Variants in AGPAT5 observed in about 807,000 individuals in gnomAD.
AGPAT5 encodes 1-acylglycerol-3-phosphate O-acyltransferase 5, also known as 1-acyl-sn-glycerol-3-phosphate acyltransferase epsilon.
AGPAT5 carries 46 observed loss-of-function variants against 45.6 expected under a neutral mutation model. That is an observed-to-expected ratio of 1.01 (90% CI 0.80 to 1.29). The LOEUF is 1.29. Ranked by LOEUF, AGPAT5 falls within the 50% of genes most tolerant of loss-of-function variation. The pLI is 0.00. For synonymous variants in AGPAT5, 272 were observed against 167.0 expected (o/e 1.63, Z -4.85); for missense variants, 673 against 450.7 (o/e 1.49, Z -4.47).
chr8:6,757,086 A>G, intron 7 of AGPAT5, 77 bp from the exon 8 acceptor site: 1 of 1,116,418 alleles, frequency 9.0e-7, no homozygotes, highest in East Asian at 2.5e-5. Flanking sequence ...CCAGCGTGTA[A>G]TAGCTACCTG....
intron 6 of AGPAT5, among the ~76,000 whole-genome samples, chr8:6,752,759 T>A (rs1475147577): frequency 6.6e-6 from 1 of 152,242 alleles, no homozygotes; most frequent in Admixed American, 6.5e-5. Flanking sequence ...TCATGTAACA[T>A]GAACTATCCT....
At chr8:6,749,485 G>A in intron 6 of AGPAT5, among the ~76,000 whole-genome samples, 1 of 152,146 alleles carries the variant, frequency 6.6e-6, no homozygotes, top group South Asian at 2.1e-4. Context: ...TGTACGAAAT[G>A]CACAGTGAAA....
intron 5 of AGPAT5, chr8:6,746,032 CTCTT>C (rs1587055599): frequency 6.7e-6 from 1 of 148,774 alleles, no homozygotes; most frequent in African/African-American, 2.6e-5. Context: ...CACTCGTTCT[CTCTT>C]GCTTGCTTGC....
intron 4 of AGPAT5, among the ~76,000 whole-genome samples, chr8:6,734,390 G>T (rs1443661301): frequency 6.6e-6 from 1 of 151,870 alleles, no homozygotes; most frequent in African/African-American, 2.4e-5. Flanking sequence ...TGGTGAGCCA[G>T]TTTAAGGCAC....
chr8:6,732,684 G>A (rs374719910), intron 4 of AGPAT5, 34 bp downstream of exon 4: 40 of 1,485,214 alleles, frequency 2.7e-5, no homozygotes, highest in Middle Eastern at 1.8e-4. Flanking sequence ...TTTCTTACCA[G>A]CTCTCAGTTT....
chr8:6,713,155 A>C (rs1330529467), intron 1 of AGPAT5, among the ~76,000 whole-genome samples: 1 of 152,192 alleles, frequency 6.6e-6, no homozygotes, highest in Non-Finnish European at 1.5e-5. Flanking sequence ...GTTTTTGTAG[A>C]AATGGGGTCT....
chr8:6,735,167 C>G (rs1259428164), intron 4 of AGPAT5, among the ~76,000 whole-genome samples: 2 of 152,122 alleles, frequency 1.3e-5, no homozygotes, highest in African/African-American at 4.8e-5. Flanking sequence ...TTTCCCTGTT[C>G]TCTTCACCCA....
rs574234051 is a variant in AGPAT5 at position 6,730,593 on chromosome 8, G to A, written c.290-118G>A. 1.9e-3 allele frequency: 136 copies of A among 72,804 alleles called. 41 individuals carry two copies. In the Middle Eastern group the frequency reaches 0.025, roughly 13 times the overall value. The allele number at this position is 72,804 out of a possible 1,614,324, so 4.5% of individuals were successfully genotyped here. Reference sequence around the variant, plus strand: ...GATCCGCCCGCCTCGGCCTCCCAAAGTGCTGGGATTACAGGCGTGAGCCAC... The same window carrying A: ...GATCCGCCCGCCTCGGCCTCCCAAAATGCTGGGATTACAGGCGTGAGCCAC... On this transcript the variant is annotated intron_variant, in intron 2 of 7. Transcript: ENST00000285518.
intron 4 of AGPAT5, among the ~76,000 whole-genome samples, chr8:6,735,881 G>A (rs1050891456): frequency 2.6e-5 from 3 of 115,536 alleles, no homozygotes; most frequent in Non-Finnish European, 5.0e-5. Context: ...TTGAGTTGGA[G>A]TCTCGGTCTG....
intron 4 of AGPAT5, among the ~76,000 whole-genome samples, chr8:6,737,272 G>C (rs1170316035): frequency 6.6e-6 from 1 of 152,194 alleles, no homozygotes; most frequent in African/African-American, 2.4e-5. Flanking sequence ...CGCCCTGTGA[G>C]AGCGGATACA....
At position 6,730,737 on chromosome 8, in the gene AGPAT5, G is replaced by T. The variant is rs145228795; in HGVS notation, c.316G>T (p.Ala106Ser). 6.0e-4 allele frequency: 962 copies of T among 1,613,252 alleles called. 15 individuals carry two copies. The South Asian group carries it at 7.1e-3, about 12-fold the overall frequency. Residue 106 changes from alanine (A) to serine (S), a missense_variant, in exon 3 of 8, where the codon GCC (alanine) becomes TCC (serine). By Grantham distance (99) the Ala-to-Ser change is moderately conservative. Coordinates refer to ENST00000285518, the MANE Select transcript of AGPAT5 (RefSeq NM_018361.5). Reference protein sequence around the residue: ...TVDWIVADILAIRQNALGHVR... With the variant: ...TVDWIVADILSIRQNALGHVR... ...TGACTGGATTGTTGCTGACATCTTG[G>T]CCATCAGGCAGAATGCGCTAGGACA...
At chr8:6,729,660 C>G (rs915755016) in intron 2 of AGPAT5, among the ~76,000 whole-genome samples, 1 of 152,200 alleles carries the variant, frequency 6.6e-6, no homozygotes, top group Non-Finnish European at 1.5e-5. Flanking sequence ...TGTTTCCCAT[C>G]TTCTGCACCC....
rs141780106 is a variant in AGPAT5, at chr8:6,730,763, T to A, written c.342T>A (p.His114Gln). The A allele has an allele frequency of 1.1e-5, 17 of 1,613,622 alleles. No individual in the cohort carries two copies. In the African/African-American group the frequency reaches 1.7e-4, roughly 16 times the overall value. The change falls in exon 3 of 8, where the codon CAT (histidine) becomes CAA (glutamine). Residue 114 changes from histidine to glutamine, a missense_variant. By Grantham distance (24) the His-to-Gln change is conservative. Transcript: ENST00000285518. ...ILAIRQNALG[H>Q]VRYVLKEGLK... ...CCATCAGGCAGAATGCGCTAGGACA[T>A]GTGCGCTACGTGCTGAAAGAAGGGT...
intron 4 of AGPAT5, among the ~76,000 whole-genome samples, chr8:6,736,095 G>C (rs140755640): frequency 1.3e-5 from 2 of 151,908 alleles, no homozygotes; most frequent in Non-Finnish European, 2.9e-5. Flanking sequence ...CTCTTGATCC[G>C]CCCGCCTCGG....
At chr8:6,753,182 C>T (rs1801713616) in intron 6 of AGPAT5, among the ~76,000 whole-genome samples, 1 of 152,234 alleles carries the variant, frequency 6.6e-6, no homozygotes, top group Non-Finnish European at 1.5e-5. Context: ...TTTGTCTCAG[C>T]AGCACTGCCT....
chr8:6,735,101 C>A (rs551571708), intron 4 of AGPAT5, among the ~76,000 whole-genome samples: 1 of 152,182 alleles, frequency 6.6e-6, no homozygotes, highest in East Asian at 1.9e-4. Flanking sequence ...CTGATCCTGC[C>A]TTGCTTCTGG....
rs1163870697 is a variant in AGPAT5 at position 6,708,894 on chromosome 8, C to T, written c.219+7C>T. On this transcript the variant is annotated splice_region_variant and intron_variant, in intron 1 of 7. Coordinates refer to ENST00000285518, the MANE Select transcript of AGPAT5 (RefSeq NM_018361.5). ...GAATTACACCGGGGTCCAGGTGAGC[C>T]GCCTCCCGCTCCCGGGTCTCGGCGT... 10 of 1,596,882 alleles carry T rather than the reference C, an allele frequency of 6.3e-6. No homozygotes were observed. In the East Asian group the frequency reaches 9.1e-5, roughly 15 times the overall value.
At chr8:6,711,574 G>A (rs541697981) in intron 1 of AGPAT5, among the ~76,000 whole-genome samples, 45 of 152,278 alleles carry the variant, frequency 3.0e-4, no homozygotes, top group African/African-American at 1.0e-3. Context: ...GTGTTGAGAG[G>A]CATTGATTCA....
At chr8:6,728,930 G>C (rs1199224110) in intron 2 of AGPAT5, among the ~76,000 whole-genome samples, 1 of 152,158 alleles carries the variant, frequency 6.6e-6, no homozygotes, top group Non-Finnish European at 1.5e-5. Flanking sequence ...AGTGATCATT[G>C]ATAGCCCAAT....
Sources: gnomAD v4.1 joint callset for allele counts (sites outside exome capture counted in the v4.1 genomes callset) on GRCh38, gnomAD v4.1.1 for gene constraint, MANE v1.5 for transcripts, NCBI Gene and HGNC (gene_info 2026-07-23, HGNC 2026-07-21) for gene names.